CDH8: variants seen among roughly 807,000 people sequenced by gnomAD.
The protein encoded by CDH8 is cadherin 8, also known as cadherin-8.
A neutral mutation model predicts 68.1 loss-of-function variants in CDH8; 17 were observed. That is an observed-to-expected ratio of 0.25 (90% CI 0.17 to 0.37). The LOEUF is 0.37. Among genes scored for constraint, CDH8 ranks in the 10% least tolerant of loss-of-function variants. The pLI is 1.00. For missense variants in CDH8, 763 were observed against 999.3 expected (o/e 0.76, Z 3.19); for synonymous variants, 372 against 365.1 (o/e 1.02, Z -0.21).
intron 10 of CDH8, among the ~76,000 whole-genome samples, chr16:61,706,209 A>G (rs1167510490): frequency 2.6e-5 from 4 of 152,242 alleles, no homozygotes. Context: ...TGCTCTGCCC[A>G]TAGATAAGGG....
In CDH8 at chr16:61,652,892, C is replaced by T; in HGVS notation, c.*716G>A. On this transcript the variant is annotated 3_prime_UTR_variant, in exon 12 of 12. Transcript: ENST00000577390. ...AGATGAAGAGGAGGGAACGAGGAAT[C>T]CTGCTTCTAGAAAACAAGCATGTTT... The T allele has an allele frequency of 2.0e-6, 3 of 1,525,840 alleles. No individual in the cohort carries two copies. Among genetic ancestry groups the T allele is most frequent in the Non-Finnish European group, 2.6e-6 (3 of 1,142,026 alleles). The allele number at this position is 1,525,840 out of a possible 1,614,324, so 94.5% of individuals were successfully genotyped here.
chr16:61,960,530 A>C (rs1965135967), intron 2 of CDH8, among the ~76,000 whole-genome samples: 1 of 152,110 alleles, frequency 6.6e-6, no homozygotes, highest in Non-Finnish European at 1.5e-5. Flanking sequence ...AAAGTGTTTA[A>C]CTATTTTTTC....
At chr16:61,658,444 G>A (rs1963493755) in intron 10 of CDH8, among the ~76,000 whole-genome samples, 1 of 151,500 alleles carries the variant, frequency 6.6e-6, no homozygotes, top group African/African-American at 2.4e-5. Context: ...GTATTAATTC[G>A]ATTGTTTTCT....
intron 1 of CDH8, among the ~76,000 whole-genome samples, chr16:62,022,296 C>T (rs927737323): frequency 5.9e-5 from 9 of 152,004 alleles, no homozygotes; most frequent in Non-Finnish European, 1.5e-5. Context: ...AGAATGCTCC[C>T]AGAGAAAAAT....
intron 10 of CDH8, among the ~76,000 whole-genome samples, chr16:61,686,181 C>A (rs932260382): frequency 2.0e-5 from 3 of 151,998 alleles, no homozygotes; most frequent in Non-Finnish European, 2.9e-5. Context: ...AGTAAAGCCA[C>A]ACAAACATAA....
At chr16:61,954,214 C>G (rs1964946120) in intron 2 of CDH8, among the ~76,000 whole-genome samples, 4 of 152,122 alleles carry the variant, frequency 2.6e-5, no homozygotes, top group Admixed American at 1.3e-4. Context: ...CAGCTCTCAT[C>G]TATCCACCAT....
chr16:61,693,540 T>C (rs1426477608), intron 10 of CDH8: 2 of 152,112 alleles, frequency 1.3e-5, no homozygotes, highest in African/African-American at 4.8e-5. Flanking sequence ...AGATGGTACA[T>C]CTAAACAATT....
chr16:61,677,101 G>C lies in CDH8; in HGVS notation c.1655-21380C>G, dbSNP rs1045696280. ...CTTCCACAAGCTTGGTTTTCCTTCA[G>C]GTCTGGAAGATAGCCTGGAAAATTG... On this transcript the variant is annotated intron_variant, in intron 10 of 11. Coordinates refer to ENST00000577390, the MANE Select transcript of CDH8 (RefSeq NM_001796.5). Among the ~76,000 whole-genome samples, 3 of 151,688 alleles carry C rather than the reference G, an allele frequency of 2.0e-5. No homozygotes were observed. The Admixed American group carries it at 2.0e-4, about 10-fold the overall frequency.
chr16:61,846,804 C>T (rs1476178726), intron 4 of CDH8, among the ~76,000 whole-genome samples: 2 of 152,036 alleles, frequency 1.3e-5, no homozygotes, highest in African/African-American at 4.8e-5. Flanking sequence ...ATAAAACAGA[C>T]TGGGATACTC....
At chr16:61,881,713 T>C (rs1963582041) in intron 3 of CDH8, among the ~76,000 whole-genome samples, 1 of 152,200 alleles carries the variant, frequency 6.6e-6, no homozygotes, top group African/African-American at 2.4e-5. Flanking sequence ...AATTTTTCTT[T>C]TAAAATCTCA....
intron 2 of CDH8, among the ~76,000 whole-genome samples, chr16:62,000,819 TGTA>T (rs1567563194): frequency 6.6e-6 from 1 of 152,226 alleles, no homozygotes; most frequent in East Asian, 1.9e-4. Context: ...TAGTGGTGTT[TGTA>T]GTAGTATTAC....
chr16:61,910,278 A>T (rs1044115191), intron 2 of CDH8, among the ~76,000 whole-genome samples: 1 of 151,818 alleles, frequency 6.6e-6, no homozygotes. Context: ...CTATATTCTT[A>T]GAATTTCTCT....
At chr16:62,022,514 C>T (rs1043893895) in intron 1 of CDH8, among the ~76,000 whole-genome samples, 4 of 152,012 alleles carry the variant, frequency 2.6e-5, no homozygotes, top group East Asian at 1.9e-4. Context: ...TTTTTGCTTA[C>T]CCTCAGCGTG....
At chr16:61,670,977 G>A in intron 10 of CDH8, among the ~76,000 whole-genome samples, 1 of 151,910 alleles carries the variant, frequency 6.6e-6, no homozygotes, top group East Asian at 1.9e-4. Context: ...GTTGAAAGCA[G>A]GCAACTGAAA....
intron 2 of CDH8, among the ~76,000 whole-genome samples, chr16:61,993,752 A>G (rs1965765574): frequency 1.3e-5 from 2 of 152,114 alleles, no homozygotes; most frequent in African/African-American, 4.8e-5. Flanking sequence ...ACCCAAGGAA[A>G]TATTTTATGC....
intron 6 of CDH8, among the ~76,000 whole-genome samples, chr16:61,818,843 C>T (rs1962143207): frequency 6.6e-6 from 1 of 151,518 alleles, no homozygotes; most frequent in African/African-American, 2.4e-5. Flanking sequence ...TGAACTCTTT[C>T]AGAATTCCAG....
intron 8 of CDH8, among the ~76,000 whole-genome samples, chr16:61,788,684 A>G (rs537510507): frequency 3.1e-4 from 47 of 152,172 alleles, no homozygotes; most frequent in African/African-American, 1.1e-3. Context: ...AAAGAAGAAA[A>G]AAAAGTCAAT....
chr16:61,878,495 T>C (rs1433272209), intron 3 of CDH8, among the ~76,000 whole-genome samples: 1 of 152,124 alleles, frequency 6.6e-6, no homozygotes, highest in African/African-American at 2.4e-5. Context: ...TATAAGACTC[T>C]CAAGACAGTT....
chr16:61,983,264 G>A (rs542890571), intron 2 of CDH8, among the ~76,000 whole-genome samples: 2 of 152,186 alleles, frequency 1.3e-5, no homozygotes, highest in South Asian at 4.1e-4. Flanking sequence ...ATTCACCATT[G>A]TTGATGCTTA....
Sources: allele counts gnomAD v4.1 joint callset (sites outside exome capture counted in the v4.1 genomes callset), GRCh38; gene constraint gnomAD v4.1.1; transcripts MANE v1.5; gene names NCBI Gene and HGNC (gene_info 2026-07-23, HGNC 2026-07-21).